PCGF6: variants seen among roughly 807,000 people sequenced by gnomAD.
PCGF6 encodes the protein polycomb group RING finger protein 6.
A neutral mutation model predicts 45.5 loss-of-function variants in PCGF6; 24 were observed. That is an observed-to-expected ratio of 0.53 (90% CI 0.38 to 0.74). The LOEUF (loss-of-function observed/expected upper bound fraction) is 0.74, where lower values mean the gene tolerates loss of function less well. Among genes scored for constraint, PCGF6 ranks in the 30% least tolerant of loss-of-function variants. The pLI, the probability that PCGF6 is intolerant of heterozygous loss-of-function variation, is 0.00. For missense variants in PCGF6, 356 were observed against 443.2 expected (o/e 0.80, Z 1.77); for synonymous variants, 152 against 162.1 (o/e 0.94, Z 0.47).
chr10:103,315,522 G>T (rs1454387992), intron 8 of PCGF6, among the ~76,000 whole-genome samples: 1 of 152,126 alleles, frequency 6.6e-6, no homozygotes, highest in Non-Finnish European at 1.5e-5. Context: ...ACCATGCCCA[G>T]CTTATTTTTT....
Position 103,330,885 on chromosome 10 carries a change from C to T in PCGF6, c.810+3040G>A, listed in dbSNP as rs751137139. 3.9e-5 allele frequency among the ~76,000 whole-genome samples: 6 copies of T among 152,208 alleles called. No individual in the cohort carries two copies. In the East Asian group the frequency reaches 5.8e-4, roughly 15 times the overall value. On this transcript the variant is annotated intron_variant, in intron 7 of 9. Transcript: ENST00000369847. ...CAGAGGTTGCAGTGAGCCCAGATTGCGCCACTGCACTCCAGCCTGGGTGAC... is the reference window on the plus strand; with the variant it reads ...CAGAGGTTGCAGTGAGCCCAGATTGTGCCACTGCACTCCAGCCTGGGTGAC...
chr10:103,336,925 C>T (rs548246400), intron 6 of PCGF6, among the ~76,000 whole-genome samples: 23 of 152,126 alleles, frequency 1.5e-4, no homozygotes, highest in Non-Finnish European at 3.2e-4. Context: ...ACGCTTCACC[C>T]TGTAACATAT....
At chr10:103,350,114 G>A (rs1230264212) in intron 1 of PCGF6, among the ~76,000 whole-genome samples, 1 of 146,618 alleles carries the variant, frequency 6.8e-6, no homozygotes, top group East Asian at 2.0e-4. Flanking sequence ...AAAACAAAAG[G>A]ATCTTTACTG....
Position 103,303,952 on chromosome 10 carries a change from G to C in PCGF6, c.1006C>G (p.Leu336Val), listed in dbSNP as rs2093128284. ...ACCACAAGACCATAATGAAGGACAA[G>C]CAGACCATCCTGAAAAGGGGAGAAA... Reference protein sequence around the residue: ...IGDAAMQDGLLVLHYGLVVSP... With the variant: ...IGDAAMQDGLVVLHYGLVVSP... Residue 336 changes from leucine (L) to valine (V), a missense_variant, in exon 10 of 10, where the codon CTT (leucine) becomes GTT (valine). Transcript: ENST00000369847. The C allele has an allele frequency of 6.2e-7, 1 of 1,613,386 alleles. No homozygotes were observed. Among genetic ancestry groups the C allele is most frequent in the Non-Finnish European group, 8.5e-7 (1 of 1,179,496 alleles).
At chr10:103,305,636 A>G (rs770855461) in intron 9 of PCGF6, among the ~76,000 whole-genome samples, 2 of 152,184 alleles carry the variant, frequency 1.3e-5, no homozygotes, top group Non-Finnish European at 2.9e-5. Flanking sequence ...ACTACAACGC[A>G]TCGCAGATCT....
chr10:103,348,974 G>A lies in PCGF6; in HGVS notation c.386C>T (p.Thr129Ile), dbSNP rs1275249360. The change falls in exon 2 of 10, where the codon ACC (threonine) becomes ATC (isoleucine). Residue 129 changes from threonine (T) to isoleucine (I), a missense_variant. Physicochemically the swap from Thr to Ile is moderately conservative, Grantham distance 89. Around this residue, in one of 2 missense-constraint regions of PCGF6, gnomAD observed 307 missense variants for 350.1 expected, o/e 0.88. Coordinates refer to ENST00000369847, the MANE Select transcript of PCGF6 (RefSeq NM_001011663.2). ...GCAAATGGAACACAAGATGTATGGGGTCAGCTCAGAGAGATTAATCAGGCG... is the reference window on the plus strand; with the variant it reads ...GCAAATGGAACACAAGATGTATGGGATCAGCTCAGAGAGATTAATCAGGCG... The part of the protein sequence containing the change: ...EERLINLSEL[T>I]PYILCSICKG... 3.1e-6 allele frequency: 5 copies of A among 1,613,722 alleles called. No individual in the cohort carries two copies. The highest frequency in any genetic ancestry group is 4.2e-6 in the Non-Finnish European group (5 of 1,179,702).
In PCGF6 at chr10:103,351,139, C is replaced by G; in HGVS notation, c.-73G>C. On this transcript the variant is annotated 5_prime_UTR_variant, in exon 1 of 10. Transcript: ENST00000369847. ...GTTCGGCCGGCCTCGGACGCCACCACTGCGCAGGCGCGGCAGCCTGAGGGG... is the reference window on the plus strand; with the variant it reads ...GTTCGGCCGGCCTCGGACGCCACCAGTGCGCAGGCGCGGCAGCCTGAGGGG... 7.7e-7 allele frequency: 1 copy of G among 1,302,336 alleles called. No homozygotes were observed. 80.7% of individuals were successfully genotyped at this position (1,302,336 alleles called of 1,614,324 possible).
At chr10:103,335,844 G>A (rs887474496) in intron 6 of PCGF6, among the ~76,000 whole-genome samples, 6 of 152,124 alleles carry the variant, frequency 3.9e-5, no homozygotes, top group Non-Finnish European at 5.9e-5. Flanking sequence ...GCGCATGCCT[G>A]TAATCCCAGC....
intron 7 of PCGF6, among the ~76,000 whole-genome samples, chr10:103,328,459 T>C (rs1349253851): frequency 1.3e-5 from 2 of 152,194 alleles, no homozygotes; most frequent in East Asian, 3.8e-4. Flanking sequence ...GCATACAGAA[T>C]AGGTGTTGAG....
chr10:103,336,233 C>T (rs1355660225), intron 6 of PCGF6, among the ~76,000 whole-genome samples: 2 of 143,584 alleles, frequency 1.4e-5, no homozygotes, highest in Non-Finnish European at 3.0e-5. Flanking sequence ...GACTGCGTCT[C>T]CAAAAAAAAA....
intron 8 of PCGF6, among the ~76,000 whole-genome samples, chr10:103,326,281 C>T (rs917732148): frequency 6.7e-6 from 1 of 149,962 alleles, no homozygotes; most frequent in African/African-American, 2.5e-5. Flanking sequence ...CCCAGCTACT[C>T]GGGAGGCTGA....
intron 9 of PCGF6, among the ~76,000 whole-genome samples, chr10:103,305,443 G>A (rs886757149): frequency 7.2e-5 from 11 of 151,884 alleles, no homozygotes; most frequent in Non-Finnish European, 1.0e-4. Flanking sequence ...GCTAATTTTC[G>A]TAATTTTAGT....
Position 103,347,885 on chromosome 10 carries a change from C to T in PCGF6, c.558-435G>A, listed in dbSNP as rs75266352. Among the ~76,000 whole-genome samples the T allele has an allele frequency of 4.1e-3, 629 of 152,188 alleles. 4 individuals are homozygous for T. The highest frequency in any genetic ancestry group is 0.015 in the African/African-American group (605 of 41,518). ...TGATTTTATTCCCTTCATAAGAATA[C>T]GAGTTGAGGGCAGAGACTGTATTTT... On this transcript the variant is annotated intron_variant, in intron 3 of 9. Coordinates refer to ENST00000369847, the MANE Select transcript of PCGF6 (RefSeq NM_001011663.2).
rs1434417949 is a variant in PCGF6 at position 103,303,171 on chromosome 10, G to A, written c.*734C>T. 1 of 152,516 alleles carries A rather than the reference G, an allele frequency of 6.6e-6. No homozygotes were observed. The highest frequency in any genetic ancestry group is 2.1e-4 in the South Asian group (1 of 4,824). 9.4% of individuals were successfully genotyped at this position (152,516 alleles called of 1,614,324 possible). ...CTTTCAGAAGCAATACTATTGCAAG[G>A]TATCAACAACCACACTATGTACCCA... On this transcript the variant is annotated 3_prime_UTR_variant, in exon 10 of 10. Coordinates refer to ENST00000369847, the MANE Select transcript of PCGF6 (RefSeq NM_001011663.2).
At chr10:103,347,575 G>A in intron 3 of PCGF6, 125 bp from the exon 4 acceptor site, 1 of 716,802 alleles carries the variant, frequency 1.4e-6, no homozygotes, top group South Asian at 1.9e-5. Flanking sequence ...TTACTTTTAA[G>A]TAGCATTTAC....
intron 9 of PCGF6, among the ~76,000 whole-genome samples, chr10:103,311,315 T>A (rs1238462197): frequency 1.3e-5 from 2 of 151,964 alleles, no homozygotes; most frequent in East Asian, 3.9e-4. Flanking sequence ...CTAATTTTTG[T>A]ATTTTTAGTA....
intron 8 of PCGF6, among the ~76,000 whole-genome samples, chr10:103,315,831 G>A (rs1334587893): frequency 1.3e-5 from 2 of 152,028 alleles, no homozygotes; most frequent in African/African-American, 4.8e-5. Context: ...ATTCTCTAGA[G>A]AGAATATTGT....
intron 5 of PCGF6, among the ~76,000 whole-genome samples, chr10:103,345,457 C>T (rs1296514228): frequency 6.6e-6 from 1 of 151,988 alleles, no homozygotes; most frequent in Non-Finnish European, 1.5e-5. Flanking sequence ...TCTCATGCAT[C>T]ATCTCATTCG....
chr10:103,327,548 C>A (rs1232087968), intron 7 of PCGF6, among the ~76,000 whole-genome samples: 1 of 151,968 alleles, frequency 6.6e-6, no homozygotes, highest in Non-Finnish European at 1.5e-5. Context: ...ATTATGTTGC[C>A]ATAAAAGGAC....
Sources: gnomAD v4.1 joint callset for allele counts (sites outside exome capture counted in the v4.1 genomes callset) on GRCh38, gnomAD v4.1.1 for gene constraint, gnomAD v4.1.1 regional missense constraint, MANE v1.5 for transcripts, NCBI Gene and HGNC (gene_info 2026-07-23, HGNC 2026-07-21) for gene names.